The following CPEB3 variants were observed in gnomAD, a reference collection of about 807,000 sequenced individuals.
The protein encoded by CPEB3 is cytoplasmic polyadenylation element-binding protein 3.
Under a neutral mutation model 67.2 loss-of-function variants are expected in CPEB3, and 20 were observed. The observed-to-expected ratio is 0.30, with a 90% CI of 0.21 to 0.43. The LOEUF is 0.43. CPEB3 is among the 20% of genes least tolerant of loss of function. CPEB3 has a pLI of 1.00. For missense variants in CPEB3, 746 were observed against 968.6 expected, an observed-to-expected ratio of 0.77 and a Z score of 3.05; for synonymous variants, 376 against 393.1, an observed-to-expected ratio of 0.96 and a Z score of 0.51.
At chr10:92,186,045 T>C (rs979061199) in intron 3 of CPEB3, among the ~76,000 whole-genome samples, 3 of 151,964 alleles carry the variant, frequency 2.0e-5, no homozygotes, top group Non-Finnish European at 4.4e-5. Context: ...TGTTTCCTCA[T>C]TTAATAAAGA....
chr10:92,151,855 T>C (rs1310870699), intron 4 of CPEB3, among the ~76,000 whole-genome samples: 1 of 152,204 alleles, frequency 6.6e-6, no homozygotes, highest in Non-Finnish European at 1.5e-5. Context: ...CTATCTTTAA[T>C]TTGTTCACTT....
rs1852112481 is a variant in CPEB3 at position 92,247,288 on chromosome 10, G to C, written c.-11-6927C>G. Among the ~76,000 whole-genome samples, 4 of 152,262 alleles carry C rather than the reference G, an allele frequency of 2.6e-5. No homozygotes were observed. The South Asian group carries it at 8.3e-4, about 32-fold the overall frequency. ...GCTGGAGTGCAGTGGCACAACCTCA[G>C]CTAACTGCAACCTCCACCTCCCAGG... On this transcript the variant is annotated intron_variant, in intron 1 of 9. Transcript: ENST00000265997.
chr10:92,154,932 T>C (rs1847133056), intron 4 of CPEB3, among the ~76,000 whole-genome samples: 2 of 152,210 alleles, frequency 1.3e-5, no homozygotes, highest in Admixed American at 1.3e-4. Flanking sequence ...TTTACCAACA[T>C]GGCCAGATGT....
At chr10:92,283,755 C>T (rs2135099123) in intron 1 of CPEB3, among the ~76,000 whole-genome samples, 2 of 118,014 alleles carry the variant, frequency 1.7e-5, no homozygotes, top group East Asian at 5.4e-4. Flanking sequence ...GAGACAAGGT[C>T]TCACTCTGTG....
At position 92,115,264 on chromosome 10, in the gene CPEB3, C is replaced by G. The variant is rs576740295; in HGVS notation, c.1454-4070G>C. ...CGCCTCCCGGATTCAAGTGATTCTC[C>G]TGCCTCAGCCTCCCGAGCAGCTGTG... On this transcript the variant is annotated intron_variant, in intron 6 of 9. Transcript: ENST00000265997. 2.8e-3 allele frequency among the ~76,000 whole-genome samples: 428 copies of G among 152,324 alleles called. 1 individual carries two copies. The highest frequency in any genetic ancestry group is 9.7e-3 in the African/African-American group (405 of 41,574).
chr10:92,204,974 G>A (rs992699364), intron 2 of CPEB3, among the ~76,000 whole-genome samples: 8 of 151,432 alleles, frequency 5.3e-5, no homozygotes, highest in African/African-American at 1.9e-4. Flanking sequence ...CGAGTAGCTG[G>A]GATTACAGGT....
intron 4 of CPEB3, among the ~76,000 whole-genome samples, chr10:92,157,828 A>G (rs1209335582): frequency 2.6e-5 from 4 of 152,216 alleles, no homozygotes; most frequent in Non-Finnish European, 5.9e-5. Context: ...AGTCTTTGCT[A>G]TATCTTTTTT....
At chr10:92,266,149 T>C (rs1175129262) in intron 1 of CPEB3, among the ~76,000 whole-genome samples, 1 of 152,182 alleles carries the variant, frequency 6.6e-6, no homozygotes, top group African/African-American at 2.4e-5. Flanking sequence ...CTTAGACTTC[T>C]CAGCCTACAT....
chr10:92,237,791 C>T (rs1851610399), intron 2 of CPEB3, among the ~76,000 whole-genome samples: 1 of 152,164 alleles, frequency 6.6e-6, no homozygotes, highest in Non-Finnish European at 1.5e-5. Context: ...AAGCAAATTC[C>T]TCCTTTTCTC....
At chr10:92,096,602 T>G (rs1238444271) in intron 7 of CPEB3, among the ~76,000 whole-genome samples, 5 of 152,078 alleles carry the variant, frequency 3.3e-5, no homozygotes, top group African/African-American at 9.7e-5. Flanking sequence ...ATTCCAGCAC[T>G]TCTTCCTGGA....
At chr10:92,207,851 T>C (rs771075045) in intron 2 of CPEB3, among the ~76,000 whole-genome samples, 22 of 152,184 alleles carry the variant, frequency 1.4e-4, no homozygotes, top group Admixed American at 2.0e-4. Flanking sequence ...GCCTGAGCGA[T>C]AGAGCGAGAC....
chr10:92,134,217 A>C (rs1490426100), intron 6 of CPEB3, among the ~76,000 whole-genome samples: 1 of 152,194 alleles, frequency 6.6e-6, no homozygotes, highest in Non-Finnish European at 1.5e-5. Flanking sequence ...GGAAAAGAGG[A>C]AGTCAAATTG....
chr10:92,260,423 C>T (rs146376015), intron 1 of CPEB3, among the ~76,000 whole-genome samples: 1,743 of 151,358 alleles, frequency 0.012, 32 homozygotes, highest in African/African-American at 0.04. Context: ...TGGTGGCATG[C>T]GCCTGTAATC....
intron 7 of CPEB3, among the ~76,000 whole-genome samples, chr10:92,104,882 G>T (rs1844366953): frequency 6.6e-6 from 1 of 152,058 alleles, no homozygotes; most frequent in South Asian, 2.1e-4. Flanking sequence ...GATGGAAGGT[G>T]TCCGAACCAT....
rs368104937 is a variant in CPEB3, at chr10:92,290,798, G to A, written c.-12+128C>T. On this transcript the variant is annotated intron_variant, in intron 1 of 9. Coordinates refer to ENST00000265997, the MANE Select transcript of CPEB3 (RefSeq NM_014912.5). ...GCCACCCCCACTGCCGCCACTGACC[G>A]CCCCGACGCCACGGCCGGGGCCGGG... The A allele has an allele frequency of 3.2e-3, 481 of 152,620 alleles. 1 individual carries two copies. In the Middle Eastern group the frequency reaches 0.047, roughly 15 times the overall value. 9.5% of individuals were successfully genotyped at this position (152,620 alleles called of 1,614,324 possible). A position where few individuals can be genotyped will look rare whatever the true frequency, so the allele number is the denominator to read the frequency against.
intron 4 of CPEB3, among the ~76,000 whole-genome samples, chr10:92,146,365 T>A (rs1590236906): frequency 6.6e-6 from 1 of 151,972 alleles, no homozygotes; most frequent in East Asian, 1.9e-4. Flanking sequence ...GGTTCCACTC[T>A]AAAAATGAAC....
At chr10:92,068,790 T>A (rs1842649857) in intron 9 of CPEB3, among the ~76,000 whole-genome samples, 1 of 152,190 alleles carries the variant, frequency 6.6e-6, no homozygotes, top group South Asian at 2.1e-4. Flanking sequence ...TTCAAAGATC[T>A]TTACCTTCCT....
intron 1 of CPEB3, among the ~76,000 whole-genome samples, chr10:92,262,471 T>A (rs886496435): frequency 4.6e-5 from 7 of 152,238 alleles, no homozygotes; most frequent in African/African-American, 1.7e-4. Context: ...ATGAGGACTC[T>A]GAGGCTAAAG....
At chr10:92,264,585 G>A (rs892927336) in intron 1 of CPEB3, among the ~76,000 whole-genome samples, 4 of 151,900 alleles carry the variant, frequency 2.6e-5, no homozygotes, top group Admixed American at 6.6e-5. Flanking sequence ...GCATGGTGGC[G>A]CAAGCCTGTA....
Sources: gnomAD v4.1 joint callset for allele counts (sites outside exome capture counted in the v4.1 genomes callset) on GRCh38, gnomAD v4.1.1 for gene constraint, MANE v1.5 for transcripts, NCBI Gene and HGNC (gene_info 2026-07-23, HGNC 2026-07-21) for gene names.